TENT4A: variants seen among roughly 807,000 people sequenced by gnomAD.
TENT4A encodes DNA polymerase kappa.
A neutral mutation model predicts 72.8 loss-of-function variants in TENT4A; 7 were observed. The observed-to-expected ratio is 0.10, with a 90% CI of 0.05 to 0.18. The LOEUF (loss-of-function observed/expected upper bound fraction) is 0.18. TENT4A is among the 10% of genes least tolerant of loss of function. The pLI is 1.00. For missense variants in TENT4A, 831 were observed against 1,017.7 expected (o/e 0.82, Z 2.50); for synonymous variants, 456 against 434.3 (o/e 1.05, Z -0.62).
In TENT4A at chr5:6,714,100, C is replaced by G; in HGVS notation, c.117C>G (p.Ser39=). Residue 39 remains serine, a synonymous_variant, in exon 1 of 13, where the codon TCC becomes TCG. Transcript: ENST00000230859. ...GVGRGGSGFA[S]YFCLNSPALD... ...GCCGCGGCGGCTCGGGCTTCGCGTC[C>G]TATTTCTGCCTCAACTCGCCGGCGC... is the stretch of plus-strand genomic sequence containing the variant. 5.1e-6 allele frequency: 5 copies of G among 984,792 alleles called. No individual in the cohort carries two copies. In the South Asian group the frequency reaches 2.3e-4, roughly 45 times the overall value. The allele number at this position is 984,792 out of a possible 1,614,324, so 61.0% of individuals were successfully genotyped here. A position where few individuals can be genotyped will look rare whatever the true frequency, so the allele number is the denominator to read the frequency against.
Position 6,714,752 on chromosome 5 carries a change from G to GGCGCCCGCGGTCCTGGCCC in TENT4A, c.716+64_716+65insCCTGGCCCGCGCCCGCGGT, listed in dbSNP as rs1740276394. The GGCGCCCGCGGTCCTGGCCC allele has an allele frequency of 6.5e-6, 7 of 1,082,256 alleles. No homozygotes were observed. In the Admixed American group the frequency reaches 2.8e-4, roughly 43 times the overall value. 67.0% of individuals were successfully genotyped at this position (1,082,256 alleles called of 1,614,324 possible). A position where few individuals can be genotyped will look rare whatever the true frequency, so the allele number is the denominator to read the frequency against. Reference sequence around the variant, plus strand: ...GGGGGCGGGGCCCATGGTCCTGGCCGGCGCCCGCGGTGCAGACACCCGTCC... The same window carrying GGCGCCCGCGGTCCTGGCCC: ...GGGGGCGGGGCCCATGGTCCTGGCCGGCGCCCGCGGTCCTGGCCCGCGCCCGCGGTGCAGACACCCGTCC... On this transcript the variant is annotated intron_variant, in intron 1 of 12. Coordinates refer to ENST00000230859, the MANE Select transcript of TENT4A (RefSeq NM_006999.6).
intron 9 of TENT4A, 107 bp from the exon 10 acceptor site, chr5:6,750,224 C>A: frequency 1.3e-6 from 1 of 744,610 alleles, no homozygotes; most frequent in Non-Finnish European, 2.0e-6. Context: ...GTTTGTTAGT[C>A]ACATTAGCAG....
intron 5 of TENT4A, among the ~76,000 whole-genome samples, chr5:6,742,886 T>C (rs1741885772): frequency 6.6e-6 from 1 of 152,244 alleles, no homozygotes; most frequent in African/African-American, 2.4e-5. Flanking sequence ...TCTAGCTCAG[T>C]GTGCCTCATT....
chr5:6,738,098 G>T (rs892379918), intron 2 of TENT4A, among the ~76,000 whole-genome samples: 2 of 152,174 alleles, frequency 1.3e-5, no homozygotes, highest in Non-Finnish European at 2.9e-5. Flanking sequence ...TGCAGTGAAG[G>T]AACAAGTGTT....
intron 1 of TENT4A, among the ~76,000 whole-genome samples, chr5:6,734,175 A>C (rs1330122225): frequency 6.6e-6 from 1 of 152,216 alleles, no homozygotes; most frequent in Non-Finnish European, 1.5e-5. Flanking sequence ...ATGCGGTTGC[A>C]GGGAGGCCGA....
At position 6,739,862 on chromosome 5, in the gene TENT4A, T is replaced by A. The variant is rs1741707242; in HGVS notation, c.1008+10T>A. 1 of 1,612,662 alleles carries A rather than the reference T, an allele frequency of 6.2e-7. No homozygotes were observed. Among genetic ancestry groups the A allele is most frequent in the African/African-American group, 1.3e-5 (1 of 74,940 alleles). The stretch of plus-strand genomic sequence containing the variant: ...CCTTGACAAGGCTACGGTGAGTGCC[T>A]GGCTTTGGCCCCTCTGACCGGGCAG... On this transcript the variant is annotated intron_variant, in intron 4 of 12. Coordinates refer to ENST00000230859, the MANE Select transcript of TENT4A (RefSeq NM_006999.6).
At chr5:6,723,566 C>A (rs779680782) in intron 1 of TENT4A, among the ~76,000 whole-genome samples, 17 of 152,216 alleles carry the variant, frequency 1.1e-4, no homozygotes, top group Non-Finnish European at 2.4e-4. Context: ...AATGTGAATT[C>A]ACGGCTGACA....
At chr5:6,748,316 TG>T in intron 7 of TENT4A, 147 bp from the exon 8 acceptor site, 1 of 1,016,276 alleles carries the variant, frequency 9.8e-7, no homozygotes, top group Non-Finnish European at 1.5e-6. Context: ...CCGTGCCCAT[TG>T]TGTTCGCCTG....
chr5:6,734,579 A>G (rs987062579), intron 1 of TENT4A, among the ~76,000 whole-genome samples: 8 of 152,262 alleles, frequency 5.3e-5, no homozygotes, highest in African/African-American at 1.9e-4. Flanking sequence ...GGCAGTTTCC[A>G]TTCTATTCTG....
intron 1 of TENT4A, among the ~76,000 whole-genome samples, chr5:6,729,630 G>A (rs1741106022): frequency 6.6e-6 from 1 of 152,264 alleles, no homozygotes; most frequent in African/African-American, 2.4e-5. Context: ...TGGGTGGCAG[G>A]TGGATCGGAG....
chr5:6,725,361 A>C (rs1471596122), intron 1 of TENT4A, among the ~76,000 whole-genome samples: 1 of 152,186 alleles, frequency 6.6e-6, no homozygotes, highest in Non-Finnish European at 1.5e-5. Context: ...GCTGAGTTCC[A>C]GAGAAGTGAT....
intron 1 of TENT4A, among the ~76,000 whole-genome samples, chr5:6,735,661 G>A (rs1027147445): frequency 6.6e-6 from 1 of 152,098 alleles, no homozygotes; most frequent in African/African-American, 2.4e-5. Flanking sequence ...CTTGTAGTTT[G>A]ATCAGTTTGG....
At chr5:6,751,798 T>TTAA (rs1742421540) in intron 11 of TENT4A, among the ~76,000 whole-genome samples, 1 of 152,252 alleles carries the variant, frequency 6.6e-6, no homozygotes, top group South Asian at 2.1e-4. Flanking sequence ...GTTAATTGAC[T>TTAA]TAAAACCATT....
intron 1 of TENT4A, among the ~76,000 whole-genome samples, chr5:6,726,637 C>T (rs913069200): frequency 1.7e-4 from 26 of 152,180 alleles, no homozygotes; most frequent in Admixed American, 1.3e-4. Context: ...GGAGCACTCT[C>T]CTTGAATCTG....
Position 6,755,255 on chromosome 5 carries a change from G to C in TENT4A, c.*310G>C, listed in dbSNP as rs1742634016. ...GAACATGCGCTTGCGGTTTGAGGTA[G>C]CCGTGTCTGTTCCTTCGCGGTTTGC... On this transcript the variant is annotated 3_prime_UTR_variant, in exon 13 of 13. Coordinates refer to ENST00000230859, the MANE Select transcript of TENT4A (RefSeq NM_006999.6). The C allele has an allele frequency of 3.7e-6, 1 of 266,852 alleles. No individual in the cohort carries two copies. The highest frequency in any genetic ancestry group is 2.2e-5 in the African/African-American group (1 of 45,520). 16.5% of individuals were successfully genotyped at this position (266,852 alleles called of 1,614,324 possible). A position where few individuals can be genotyped will look rare whatever the true frequency, so the allele number is the denominator to read the frequency against.
chr5:6,732,400 T>C (rs1326873326), intron 1 of TENT4A, among the ~76,000 whole-genome samples: 1 of 152,256 alleles, frequency 6.6e-6, no homozygotes, highest in Non-Finnish European at 1.5e-5. Flanking sequence ...AGTTTTGTTC[T>C]CTAACTGTAG....
intron 1 of TENT4A, among the ~76,000 whole-genome samples, chr5:6,728,912 AT>A (rs1379385114): frequency 3.3e-5 from 5 of 152,174 alleles, no homozygotes; most frequent in Non-Finnish European, 7.4e-5. Context: ...ATTTGAGCAT[AT>A]TTCTTGTCAC....
Position 6,750,380 on chromosome 5 carries a change from G to A in TENT4A, c.1737G>A (p.Gln579=), listed in dbSNP as rs1239456175. ...GAATAGCCACATGCAATGGGGAGCA[G>A]ACGCAGAACCGAGAGCCCGAGTCTC... ...KERIATCNGE[Q]TQNREPESPY... The change falls in exon 10 of 13, where the codon CAG becomes CAA. Residue 579 remains glutamine, a synonymous_variant. Transcript: ENST00000230859. The A allele has an allele frequency of 1.2e-6, 2 of 1,613,026 alleles. No individual in the cohort carries two copies. Among genetic ancestry groups the A allele is most frequent in the East Asian group, 2.2e-5 (1 of 44,708 alleles).
At chr5:6,754,227 G>A (rs964276121) in intron 12 of TENT4A, among the ~76,000 whole-genome samples, 2 of 152,172 alleles carry the variant, frequency 1.3e-5, no homozygotes, top group African/African-American at 4.8e-5. Flanking sequence ...GGAGTGCAGT[G>A]GTGTGATCTC....
Sources: allele counts gnomAD v4.1 joint callset (sites outside exome capture counted in the v4.1 genomes callset), GRCh38; gene constraint gnomAD v4.1.1; transcripts MANE v1.5; gene names NCBI Gene and HGNC (gene_info 2026-07-23, HGNC 2026-07-21).